Variants in SYT9 observed in about 807,000 individuals in gnomAD.
SYT9 encodes synaptotagmin-9.
In SYT9, 22 loss-of-function variants were observed where a neutral mutation model predicts 48.4. The observed-to-expected ratio is 0.45, with a 90% CI of 0.32 to 0.65. The LOEUF is 0.65. Ranked by LOEUF, SYT9 falls within the 30% of genes least tolerant of loss-of-function variation. SYT9 has a pLI of 0.03. For missense variants in SYT9, 577 were observed against 622.0 expected, an observed-to-expected ratio of 0.93 and a Z score of 0.77; for synonymous variants, 265 against 245.0, an observed-to-expected ratio of 1.08 and a Z score of -0.76.
intron 3 of SYT9, among the ~76,000 whole-genome samples, chr11:7,371,952 G>C (rs936148324): frequency 6.6e-6 from 1 of 152,062 alleles, no homozygotes; most frequent in African/African-American, 2.4e-5. Flanking sequence ...TTGCTAATAT[G>C]AATACAGCTG....
At chr11:7,438,891 A>C (rs1847767980) in intron 6 of SYT9, 2 of 152,270 alleles carry the variant, frequency 1.3e-5, no homozygotes, top group African/African-American at 2.4e-5. Flanking sequence ...TCAGCATTAG[A>C]TACAGAAGCT....
At chr11:7,331,886 C>G (rs1849539820) in intron 3 of SYT9, among the ~76,000 whole-genome samples, 1 of 152,188 alleles carries the variant, frequency 6.6e-6, no homozygotes, top group Non-Finnish European at 1.5e-5. Context: ...CTCTGCCTAC[C>G]ACACTAGAAT....
intron 6 of SYT9, among the ~76,000 whole-genome samples, chr11:7,429,750 G>A (rs1296780825): frequency 6.6e-6 from 1 of 152,122 alleles, no homozygotes; most frequent in East Asian, 1.9e-4. Context: ...GTGGCCCACA[G>A]TAGACTCCCA....
At chr11:7,322,011 T>G (rs746597141) in intron 3 of SYT9, among the ~76,000 whole-genome samples, 2 of 152,142 alleles carry the variant, frequency 1.3e-5, no homozygotes, top group African/African-American at 2.4e-5. Flanking sequence ...AAGTCCTGCT[T>G]GTGTCCTACC....
At chr11:7,247,205 A>C (rs1847802432), upstream of SYT9, among the ~76,000 whole-genome samples, 1 of 152,184 alleles carries the variant, frequency 6.6e-6, no homozygotes, top group African/African-American at 2.4e-5. Context: ...CCATCACCCA[A>C]GCACTATACG....
At chr11:7,320,962 T>G (rs548553495) in intron 3 of SYT9, among the ~76,000 whole-genome samples, 1 of 152,232 alleles carries the variant, frequency 6.6e-6, no homozygotes, top group South Asian at 2.1e-4. Context: ...GACGATCCTC[T>G]TGGCATTTTT....
intron 6 of SYT9, among the ~76,000 whole-genome samples, chr11:7,447,277 G>A (rs1049070174): frequency 3.9e-5 from 6 of 152,080 alleles, no homozygotes; most frequent in African/African-American, 1.2e-4. Flanking sequence ...CTGGCTCTCC[G>A]TGGCTTCCTT....
intron 1 of SYT9, among the ~76,000 whole-genome samples, chr11:7,240,218 A>G (rs1282396276): frequency 6.6e-6 from 1 of 152,142 alleles, no homozygotes; most frequent in East Asian, 1.9e-4. Flanking sequence ...CCCGAGTCCC[A>G]ATTCCTCCCT....
intron 3 of SYT9, among the ~76,000 whole-genome samples, chr11:7,363,481 A>G (rs988484680): frequency 1.3e-5 from 2 of 152,204 alleles, no homozygotes; most frequent in Admixed American, 6.5e-5. Flanking sequence ...GTGTCTGTAC[A>G]CTATCCAAGG....
At chr11:7,460,337 T>A (rs914255600) in intron 6 of SYT9, among the ~76,000 whole-genome samples, 2 of 152,198 alleles carry the variant, frequency 1.3e-5, no homozygotes, top group Non-Finnish European at 2.9e-5. Context: ...TAAATATTTT[T>A]AAATGAGAAA....
At chr11:7,427,814 T>G (rs1210430319) in intron 6 of SYT9, 1 of 152,214 alleles carries the variant, frequency 6.6e-6, no homozygotes, top group Non-Finnish European at 1.5e-5. Context: ...GAAGCAAAAC[T>G]GATTGCAGAG....
At chr11:7,296,279 A>G (rs1005660839) in intron 1 of SYT9, among the ~76,000 whole-genome samples, 1 of 152,216 alleles carries the variant, frequency 6.6e-6, no homozygotes, top group African/African-American at 2.4e-5. Context: ...TAATTCTATA[A>G]CCTGTGTTTA....
intron 6 of SYT9, among the ~76,000 whole-genome samples, chr11:7,430,288 A>C (rs964975530): frequency 1.3e-5 from 2 of 152,252 alleles, no homozygotes; most frequent in Non-Finnish European, 2.9e-5. Flanking sequence ...TGCTTGAAAT[A>C]AAGAAAAGAG....
intron 1 of SYT9, among the ~76,000 whole-genome samples, chr11:7,268,711 C>T (rs1848238672): frequency 6.6e-6 from 1 of 151,924 alleles, no homozygotes. Flanking sequence ...TCCAGTCATT[C>T]TCTGGTTTTA....
At chr11:7,394,118 C>T (rs1035017465) in intron 3 of SYT9, among the ~76,000 whole-genome samples, 1 of 152,010 alleles carries the variant, frequency 6.6e-6, no homozygotes, top group East Asian at 1.9e-4. Flanking sequence ...CCCCTTCCCC[C>T]ACCCCACAAC....
chr11:7,419,159 G>A (rs11041365), intron 5 of SYT9, among the ~76,000 whole-genome samples: 14,155 of 152,254 alleles, frequency 0.093, 764 homozygotes, highest in Middle Eastern at 0.17. Context: ...AACAGTGTCA[G>A]GCCCCAGTAG....
chr11:7,395,257 T>C (rs1846729428), intron 3 of SYT9, among the ~76,000 whole-genome samples: 1 of 151,806 alleles, frequency 6.6e-6, no homozygotes, highest in Admixed American at 6.6e-5. Flanking sequence ...ACTTGCCTTA[T>C]GGCCAAACAT....
intron 1 of SYT9, among the ~76,000 whole-genome samples, chr11:7,254,346 A>T (rs1252936935): frequency 2.0e-5 from 3 of 152,132 alleles, no homozygotes; most frequent in African/African-American, 7.2e-5. Context: ...GCAAGGTGAG[A>T]GGAAATGAGG....
rs550651145 is a variant in SYT9, at chr11:7,351,111, T to C, written c.1044+37170T>C. 5.9e-5 allele frequency among the ~76,000 whole-genome samples: 9 copies of C among 152,362 alleles called. No homozygotes were observed. The South Asian group carries it at 1.9e-3, about 32-fold the overall frequency. Reference sequence around the variant, plus strand: ...TAACTAGGGTTTTAAAAAATTATCTTTAATGATTTTTTTAACCTCCTTGAA... The same window carrying C: ...TAACTAGGGTTTTAAAAAATTATCTCTAATGATTTTTTTAACCTCCTTGAA... On this transcript the variant is annotated intron_variant, in intron 3 of 6. Coordinates refer to ENST00000318881, the MANE Select transcript of SYT9 (RefSeq NM_175733.4).
Sources: allele counts gnomAD v4.1 joint callset (sites outside exome capture counted in the v4.1 genomes callset), GRCh38; gene constraint gnomAD v4.1.1; transcripts MANE v1.5; gene names NCBI Gene and HGNC (gene_info 2026-07-23, HGNC 2026-07-21).